The following APOL3 variants were observed in gnomAD, a reference collection of about 807,000 sequenced individuals.
APOL3 encodes the protein TNF-inducible protein CG12-1.
In APOL3, 14 loss-of-function variants were observed where a neutral mutation model predicts 11.6. The observed-to-expected ratio is 1.21, with a 90% confidence interval of 0.80 to 1.89. The LOEUF (loss-of-function observed/expected upper bound fraction) is 1.89. Ranked by LOEUF, APOL3 falls within the 40% of genes most tolerant of loss-of-function variation. The pLI is 0.00. For synonymous variants in APOL3, 192 were observed against 190.6 expected (o/e 1.01, Z -0.06); for missense variants, 483 against 492.1 (o/e 0.98, Z 0.17).
At position 36,145,469 on chromosome 22, in the gene APOL3, T is replaced by C; in HGVS notation, c.350+4A>G. ...CCCCATGGAGGTAACCCCACGGAGG[T>C]TACCTGGGCAATTCAGCCGCAGTCA... On this transcript the variant is annotated splice_donor_region_variant and intron_variant, in intron 2 of 2. Coordinates refer to ENST00000349314, the Ensembl canonical transcript of APOL3. 6.2e-7 allele frequency: 1 copy of C among 1,613,776 alleles called. No individual in the cohort carries two copies. Among genetic ancestry groups the C allele is most frequent in the Non-Finnish European group, 8.5e-7 (1 of 1,179,834 alleles).
intron 2 of APOL3, among the ~76,000 whole-genome samples, chr22:36,144,569 T>G (rs132623): frequency 0.55 from 83,789 of 151,888 alleles, 24,256 homozygotes; most frequent in Middle Eastern, 0.73. Flanking sequence ...CTGTGTTCTG[T>G]GTCAGCAGGA....
chr22:36,154,873 G>T (rs562230066), intron 1 of APOL3, among the ~76,000 whole-genome samples: 1 of 152,298 alleles, frequency 6.6e-6, no homozygotes, highest in Non-Finnish European at 1.5e-5. Context: ...GATTTGCTGA[G>T]ATACCCACTG....
chr22:36,158,961 G>A (rs1037907027), intron 1 of APOL3, among the ~76,000 whole-genome samples: 1 of 91,836 alleles, frequency 1.1e-5, no homozygotes, highest in East Asian at 9.1e-4. Context: ...GCAGGTGTGA[G>A]TGTGCGTGTG....
At chr22:36,142,091 G>A (rs2060018746) in intron 2 of APOL3, 33 bp from the exon 4 acceptor site, 1 of 1,556,438 alleles carries the variant, frequency 6.4e-7, no homozygotes. Flanking sequence ...ATTAAGAAAG[G>A]CAGCTTACTT....
intron 1 of APOL3, among the ~76,000 whole-genome samples, chr22:36,146,864 C>T (rs1314323980): frequency 6.6e-6 from 1 of 152,048 alleles, no homozygotes; most frequent in African/African-American, 2.4e-5. Context: ...GTGTGGTTTG[C>T]AGGGATTTGG....
intron 1 of APOL3, among the ~76,000 whole-genome samples, chr22:36,156,312 G>C (rs1222568027): frequency 6.6e-6 from 1 of 152,034 alleles, no homozygotes; most frequent in African/African-American, 2.4e-5. Context: ...GCCCAGGCTT[G>C]TCCTGAACTC....
At chr22:36,152,597 G>A (rs548002460) in intron 1 of APOL3, among the ~76,000 whole-genome samples, 4 of 152,108 alleles carry the variant, frequency 2.6e-5, no homozygotes, top group Admixed American at 6.5e-5. Flanking sequence ...ATAAACTCAC[G>A]TTTAGTTCTC....
At chr22:36,157,520 TA>T (rs2013093748) in intron 1 of APOL3, among the ~76,000 whole-genome samples, 1 of 152,172 alleles carries the variant, frequency 6.6e-6, no homozygotes, top group Non-Finnish European at 1.5e-5. Context: ...GAAGAAATGT[TA>T]AAAACAATGT....
chr22:36,154,803 C>G (rs2012472897), intron 1 of APOL3, among the ~76,000 whole-genome samples: 1 of 152,284 alleles, frequency 6.6e-6, no homozygotes, highest in South Asian at 2.1e-4. Flanking sequence ...AAATAGAATG[C>G]CTGTTTTTTC....
exon 3 of APOL3, chr22:36,141,857 G>A (rs762461710): frequency 1.1e-5 from 18 of 1,614,204 alleles, no homozygotes; most frequent in Middle Eastern, 1.6e-4. Flanking sequence ...TGGAGATGGT[G>A]CAGCCTCTGT....
exon 3 of APOL3, chr22:36,141,062 A>T (rs867390278): frequency 3.8e-6 from 5 of 1,313,628 alleles, no homozygotes; most frequent in Middle Eastern, 2.8e-4. Context: ...TGCTGTGCTC[A>T]GCTACAGAAA....
At chr22:36,146,810 T>C (rs2060239222) in intron 1 of APOL3, among the ~76,000 whole-genome samples, 1 of 152,112 alleles carries the variant, frequency 6.6e-6, no homozygotes. Flanking sequence ...CAAAGCATCT[T>C]AGTACACAGC....
At chr22:36,153,866 G>A (rs2012259442) in intron 1 of APOL3, among the ~76,000 whole-genome samples, 1 of 152,216 alleles carries the variant, frequency 6.6e-6, no homozygotes, top group Non-Finnish European at 1.5e-5. Flanking sequence ...CATCAATTAA[G>A]TACACTTGAG....
upstream of APOL3, among the ~76,000 whole-genome samples, chr22:36,163,242 A>G (rs2013776732): frequency 6.6e-6 from 1 of 152,150 alleles, no homozygotes; most frequent in Admixed American, 6.5e-5. Context: ...GCTGGATGCA[A>G]TTTTTAAAAT....
chr22:36,151,593 A>G (rs1293041209), intron 1 of APOL3, among the ~76,000 whole-genome samples: 1 of 152,206 alleles, frequency 6.6e-6, no homozygotes, highest in Non-Finnish European at 1.5e-5. Context: ...ACAGAAAAAG[A>G]AAAAAACAAA....
At chr22:36,147,377 C>T (rs541087291) in intron 1 of APOL3, among the ~76,000 whole-genome samples, 3 of 152,122 alleles carry the variant, frequency 2.0e-5, no homozygotes, top group East Asian at 1.9e-4. Flanking sequence ...GACATGGCTC[C>T]CCACTATCAC....
chr22:36,143,851 C>G (rs1180282880), intron 2 of APOL3, among the ~76,000 whole-genome samples: 1 of 152,194 alleles, frequency 6.6e-6, no homozygotes, highest in African/African-American at 2.4e-5. Flanking sequence ...ACTCATGAGA[C>G]TTTGAAAATC....
exon 1 of APOL3, chr22:36,160,801 A>G (rs111532004): frequency 6.2e-7 from 1 of 1,614,064 alleles, no homozygotes; most frequent in Non-Finnish European, 8.5e-7. Context: ...TGGAACCCAA[A>G]AGGGAAAGTG....
At chr22:36,153,373 G>A (rs2012141150) in intron 1 of APOL3, 1 of 456,076 alleles carries the variant, frequency 2.2e-6, no homozygotes, top group South Asian at 1.5e-5. Flanking sequence ...CCTGCCTCCT[G>A]ATGGGAGAAA....
Sources: allele counts gnomAD v4.1 joint callset (sites outside exome capture counted in the v4.1 genomes callset), GRCh38; gene constraint gnomAD v4.1.1; transcripts MANE v1.5; gene names NCBI Gene and HGNC (gene_info 2026-07-23, HGNC 2026-07-21).